SPOCK3: variants seen among roughly 807,000 people sequenced by gnomAD.
SPOCK3 encodes testican-3.
SPOCK3 carries 30 observed loss-of-function variants against 56.6 expected under a neutral mutation model. The ratio of observed to expected loss-of-function variants is 0.53; its 90% CI spans 0.40 to 0.72. The LOEUF (loss-of-function observed/expected upper bound fraction) is 0.72, where lower values mean the gene tolerates loss of function less well. Among genes scored for constraint, SPOCK3 ranks in the 30% least tolerant of loss-of-function variants. The probability of loss-of-function intolerance (pLI) is 0.00; values close to 1 mark genes in which losing one functional copy is unlikely to be tolerated. For synonymous variants in SPOCK3, 196 were observed against 183.3 expected (o/e 1.07, Z -0.56); for missense variants, 527 against 530.0 (o/e 0.99, Z 0.06).
At chr4:167,162,836 C>A (rs1450827616) in intron 2 of SPOCK3, among the ~76,000 whole-genome samples, 1 of 151,726 alleles carries the variant, frequency 6.6e-6, no homozygotes, top group Non-Finnish European at 1.5e-5. Flanking sequence ...AGTGTTCATA[C>A]AATAATCATA....
intron 7 of SPOCK3, among the ~76,000 whole-genome samples, chr4:166,771,313 T>C (rs1321071209): frequency 1.3e-5 from 2 of 151,972 alleles, no homozygotes; most frequent in Non-Finnish European, 2.9e-5. Context: ...CTGATGACTC[T>C]TGTAACACAC....
At chr4:166,888,538 TAA>T (rs1241575665) in intron 6 of SPOCK3, among the ~76,000 whole-genome samples, 12 of 152,038 alleles carry the variant, frequency 7.9e-5, no homozygotes, top group Admixed American at 7.9e-4. Flanking sequence ...TAAATAATCT[TAA>T]GTCAAGTTAT....
intron 2 of SPOCK3, among the ~76,000 whole-genome samples, chr4:167,229,992 C>A (rs1239836855): frequency 6.6e-6 from 1 of 151,922 alleles, no homozygotes; most frequent in Non-Finnish European, 1.5e-5. Context: ...ATTTGAATTT[C>A]CATTAAAGGG....
intron 6 of SPOCK3, among the ~76,000 whole-genome samples, chr4:166,818,616 A>G (rs946439517): frequency 6.6e-6 from 1 of 151,926 alleles, no homozygotes; most frequent in South Asian, 2.1e-4. Flanking sequence ...TCTCTCTCTC[A>G]TTACCAATTA....
chr4:166,998,781 T>C (rs1748655405), intron 4 of SPOCK3, among the ~76,000 whole-genome samples: 1 of 152,102 alleles, frequency 6.6e-6, no homozygotes, highest in Non-Finnish European at 1.5e-5. Flanking sequence ...GTTTTTTGCT[T>C]TTATGGGAGA....
At chr4:167,205,740 G>A (rs1734261944) in intron 2 of SPOCK3, among the ~76,000 whole-genome samples, 1 of 146,988 alleles carries the variant, frequency 6.8e-6, no homozygotes, top group Admixed American at 7.1e-5. Context: ...AGCCTCCGGA[G>A]TAGCTGGGAT....
intron 5 of SPOCK3, among the ~76,000 whole-genome samples, chr4:166,908,147 A>C (rs916665480): frequency 2.0e-5 from 3 of 151,996 alleles, no homozygotes; most frequent in Non-Finnish European, 4.4e-5. Context: ...AACATGCCTC[A>C]AATATGGAAA....
In SPOCK3 at chr4:166,959,135, G is replaced by A. The variant is rs190549631; in HGVS notation, c.350+41214C>T. 1.7e-3 allele frequency among the ~76,000 whole-genome samples: 262 copies of A among 152,316 alleles called. 2 individuals are homozygous for A. The highest frequency in any genetic ancestry group is 5.9e-3 in the African/African-American group (245 of 41,568). ...GTGAAATGTTGTTGTTATTGCAGAT[G>A]TGGGTTGCTCATTTGATATTGTGTA... On this transcript the variant is annotated intron_variant, in intron 4 of 10. Transcript: ENST00000357545.
At chr4:166,979,886 G>A (rs895748129) in intron 4 of SPOCK3, among the ~76,000 whole-genome samples, 2 of 152,156 alleles carry the variant, frequency 1.3e-5, no homozygotes, top group African/African-American at 4.8e-5. Context: ...GTTACCACAT[G>A]AGCTTTTTAA....
At position 166,754,499 on chromosome 4, in the gene SPOCK3, A is replaced by T. The variant is rs369738621; in HGVS notation, c.931+9T>A. The T allele has an allele frequency of 3.7e-6, 6 of 1,610,746 alleles. No homozygotes were observed. Among genetic ancestry groups the T allele is most frequent in the Non-Finnish European group, 5.1e-6 (6 of 1,178,104 alleles). On this transcript the variant is annotated intron_variant, in intron 8 of 10. Coordinates refer to ENST00000357545, the MANE Select transcript of SPOCK3 (RefSeq NM_001040159.2). ...AACTATTTGCGTCTGTAAGGGTCTC[A>T]TCTTTTACCTTGCTGTCTCTGGAAG...
At chr4:167,232,714 C>T (rs1294515254) in intron 2 of SPOCK3, among the ~76,000 whole-genome samples, 2 of 152,100 alleles carry the variant, frequency 1.3e-5, no homozygotes, top group Non-Finnish European at 2.9e-5. Flanking sequence ...AAGCTTTGTT[C>T]ATGAAGTATG....
chr4:167,229,393 T>C (rs1462893932), intron 2 of SPOCK3, among the ~76,000 whole-genome samples: 3 of 152,104 alleles, frequency 2.0e-5, no homozygotes, highest in African/African-American at 4.8e-5. Context: ...AAGATTCTCA[T>C]TGTTTGAATT....
At chr4:166,963,182 T>C (rs1327595118) in intron 4 of SPOCK3, among the ~76,000 whole-genome samples, 2 of 152,020 alleles carry the variant, frequency 1.3e-5, no homozygotes, top group African/African-American at 4.8e-5. Context: ...ACTTTCTCCC[T>C]GATCATAAAA....
chr4:167,222,056 A>G (rs1735972782), intron 2 of SPOCK3, among the ~76,000 whole-genome samples: 1 of 152,162 alleles, frequency 6.6e-6, no homozygotes, highest in African/African-American at 2.4e-5. Context: ...GAAGTAACCC[A>G]AGGTTTTTTA....
chr4:166,847,393 C>A (rs891111277), intron 6 of SPOCK3, among the ~76,000 whole-genome samples: 2 of 151,646 alleles, frequency 1.3e-5, no homozygotes, highest in East Asian at 3.9e-4. Context: ...TGCAACATAT[C>A]AAGATGTTAT....
chr4:167,184,073 A>C (rs1731736900), intron 2 of SPOCK3, among the ~76,000 whole-genome samples: 1 of 152,220 alleles, frequency 6.6e-6, no homozygotes, highest in Non-Finnish European at 1.5e-5. Context: ...AAATGTATAT[A>C]CACTGAAAGA....
chr4:166,901,340 T>G (rs986429826), intron 5 of SPOCK3, among the ~76,000 whole-genome samples: 1 of 152,144 alleles, frequency 6.6e-6, no homozygotes, highest in African/African-American at 2.4e-5. Context: ...CCATATTTGA[T>G]GCACTGTCAG....
intron 2 of SPOCK3, among the ~76,000 whole-genome samples, chr4:167,101,412 G>A (rs1266314746): frequency 1.3e-5 from 2 of 151,882 alleles, no homozygotes; most frequent in African/African-American, 2.4e-5. Flanking sequence ...CAAAATCCTT[G>A]GTAATTTCAT....
At chr4:167,164,611 GC>G in intron 2 of SPOCK3, among the ~76,000 whole-genome samples, 1 of 151,482 alleles carries the variant, frequency 6.6e-6, no homozygotes. Context: ...CCCCACACAG[GC>G]CCCGGTGTGT....
Sources: allele counts gnomAD v4.1 joint callset (sites outside exome capture counted in the v4.1 genomes callset), GRCh38; gene constraint gnomAD v4.1.1; transcripts MANE v1.5; gene names NCBI Gene and HGNC (gene_info 2026-07-23, HGNC 2026-07-21).